PDE8A: variants seen among roughly 807,000 people sequenced by gnomAD.
PDE8A encodes the protein high affinity cAMP-specific and IBMX-insensitive 3',5'-cyclic phosphodiesterase 8A.
PDE8A carries 59 observed loss-of-function variants against 105.0 expected under a neutral mutation model. The ratio of observed to expected loss-of-function variants is 0.56; its 90% CI spans 0.46 to 0.70. The LOEUF (loss-of-function observed/expected upper bound fraction) is 0.70, where lower values mean the gene tolerates loss of function less well. PDE8A is among the 30% of genes least tolerant of loss of function. PDE8A has a pLI of 0.00. For missense variants in PDE8A, 1,014 were observed against 1,045.9 expected (o/e 0.97, Z 0.42); for synonymous variants, 355 against 371.9 (o/e 0.95, Z 0.52).
Position 85,101,129 on chromosome 15 carries a change from A to C in PDE8A, c.1036+931A>C, listed in dbSNP as rs776821313. On this transcript the variant is annotated intron_variant, in intron 11 of 21. Transcript: ENST00000394553. ...TCTCTTTACAGGTAAGGAAACTGAA[A>C]GTTTAAGTAATCTGCCCAAGGATCT... Among the ~76,000 whole-genome samples the C allele has an allele frequency of 3.3e-4, 50 of 152,338 alleles. 1 individual carries two copies. The highest frequency in any genetic ancestry group is 2.7e-3 in the Admixed American group (41 of 15,298).
chr15:85,101,714 G>A (rs1023625221), intron 11 of PDE8A, among the ~76,000 whole-genome samples: 10 of 152,200 alleles, frequency 6.6e-5, no homozygotes, highest in African/African-American at 2.4e-4. Flanking sequence ...GAAAACAATG[G>A]CCAGGGAATA....
At chr15:85,007,854 G>A (rs2080174189) in intron 1 of PDE8A, among the ~76,000 whole-genome samples, 1 of 152,164 alleles carries the variant, frequency 6.6e-6, no homozygotes, top group Admixed American at 6.5e-5. Flanking sequence ...GTCAGAGAGA[G>A]CTCTTGGACA....
intron 1 of PDE8A, among the ~76,000 whole-genome samples, chr15:84,999,976 A>G (rs769282857): frequency 2.0e-5 from 3 of 152,246 alleles, no homozygotes; most frequent in Non-Finnish European, 2.9e-5. Flanking sequence ...ATAGAAATCT[A>G]AACATATTGT....
chr15:84,995,887 A>G (rs1044902191), intron 1 of PDE8A, among the ~76,000 whole-genome samples: 1 of 152,180 alleles, frequency 6.6e-6, no homozygotes, highest in Non-Finnish European at 1.5e-5. Context: ...TTTGTGGTGC[A>G]TTCATCAATC....
chr15:84,991,333 AC>A (rs1322443155), intron 1 of PDE8A, among the ~76,000 whole-genome samples: 2 of 152,368 alleles, frequency 1.3e-5, no homozygotes, highest in East Asian at 3.9e-4. Flanking sequence ...AAAGGTTGGG[AC>A]AGGCACAGCA....
chr15:85,054,743 G>C (rs1484068712), intron 1 of PDE8A, among the ~76,000 whole-genome samples: 1 of 152,072 alleles, frequency 6.6e-6, no homozygotes, highest in African/African-American at 2.4e-5. Context: ...CGATTTTGTT[G>C]ATCTTTTCAA....
chr15:85,014,678 T>C (rs1257832150), intron 1 of PDE8A, among the ~76,000 whole-genome samples: 2 of 152,240 alleles, frequency 1.3e-5, no homozygotes, highest in East Asian at 3.8e-4. Context: ...GGTGGCATAC[T>C]GTACATAGTA....
At position 85,020,160 on chromosome 15, in the gene PDE8A, C is replaced by G. The variant is rs559300032; in HGVS notation, c.186+37812C>G. Among the ~76,000 whole-genome samples the G allele has an allele frequency of 5.3e-5, 8 of 152,104 alleles. No individual in the cohort carries two copies. The East Asian group carries it at 1.4e-3, about 26-fold the overall frequency. The stretch of plus-strand genomic sequence containing the variant: ...AATAATAGGTATTCTTTCTTAGGCA[C>G]AAGATTACTAATCTTCTCAATTCTC... On this transcript the variant is annotated intron_variant, in intron 1 of 21. Coordinates refer to ENST00000394553, the MANE Select transcript of PDE8A (RefSeq NM_002605.3).
At chr15:85,102,663 A>G (rs28432948) in intron 11 of PDE8A, among the ~76,000 whole-genome samples, 2 of 151,782 alleles carry the variant, frequency 1.3e-5, no homozygotes, top group Non-Finnish European at 1.5e-5. Flanking sequence ...AACATGGAGA[A>G]ACCTCGTCTC....
intron 12 of PDE8A, among the ~76,000 whole-genome samples, chr15:85,113,168 G>A (rs952605881): frequency 1.3e-5 from 2 of 152,180 alleles, no homozygotes; most frequent in African/African-American, 4.8e-5. Flanking sequence ...TTCAGTCCAT[G>A]GGGGCATATG....
Position 85,068,278 on chromosome 15 carries a change from G to A in PDE8A, c.434+1074G>A, listed in dbSNP as rs574225138. ...TGGTCTTGAACTCCTGACCCCAAGTGATCCATCTGCCTCAGCCTCCCAAAG... is the reference window on the plus strand; with the variant it reads ...TGGTCTTGAACTCCTGACCCCAAGTAATCCATCTGCCTCAGCCTCCCAAAG... On this transcript the variant is annotated intron_variant, in intron 3 of 21. Transcript: ENST00000394553. Among the ~76,000 whole-genome samples the A allele has an allele frequency of 3.9e-5, 6 of 152,144 alleles. No homozygotes were observed. In the South Asian group the frequency reaches 1.2e-3, roughly 32 times the overall value.
intron 16 of PDE8A, among the ~76,000 whole-genome samples, chr15:85,117,426 G>A (rs2082113140): frequency 6.6e-6 from 1 of 152,150 alleles, no homozygotes; most frequent in Admixed American, 6.5e-5. Flanking sequence ...GCTGCTGTGG[G>A]CAGCCAGCTC....
intron 1 of PDE8A, among the ~76,000 whole-genome samples, chr15:85,058,149 T>A (rs944307384): frequency 2.0e-5 from 3 of 152,184 alleles, no homozygotes; most frequent in African/African-American, 7.2e-5. Flanking sequence ...GGCACAGTCT[T>A]GTCTCACTGC....
rs35782842 is a variant in PDE8A at position 85,017,887 on chromosome 15, C to CAAAAAA, written c.186+35546_186+35551dup. Among the ~76,000 whole-genome samples the CAAAAAA allele has an allele frequency of 8.6e-5, 7 of 81,290 alleles. 2 individuals carry two copies. The highest frequency in any genetic ancestry group is 9.2e-5 in the Non-Finnish European group (4 of 43,324). 53.3% of individuals were successfully genotyped at this position (81,290 alleles called of 152,430 possible). A position where few individuals can be genotyped will look rare whatever the true frequency, so the allele number is the denominator to read the frequency against. ...GAGCAACAGGAGCGAAACTCCGTCT[C>CAAAAAA]AAAAAAAAAAAAGCAATAGTGGGAG... On this transcript the variant is annotated intron_variant, in intron 1 of 21. Coordinates refer to ENST00000394553, the MANE Select transcript of PDE8A (RefSeq NM_002605.3).
intron 1 of PDE8A, among the ~76,000 whole-genome samples, chr15:85,046,412 T>C (rs1198927434): frequency 6.6e-6 from 1 of 152,208 alleles, no homozygotes; most frequent in Non-Finnish European, 1.5e-5. Flanking sequence ...ACAAGTCCTG[T>C]ATTACATACA....
At chr15:85,119,942 T>C (rs2082155079) in intron 17 of PDE8A, among the ~76,000 whole-genome samples, 1 of 151,948 alleles carries the variant, frequency 6.6e-6, no homozygotes, top group Non-Finnish European at 1.5e-5. Context: ...AAAAGCAAAA[T>C]GATAATCCAG....
intron 1 of PDE8A, among the ~76,000 whole-genome samples, chr15:85,016,711 T>C (rs1330273885): frequency 6.6e-6 from 1 of 152,224 alleles, no homozygotes; most frequent in African/African-American, 2.4e-5. Context: ...TTTCTTTTTA[T>C]TGAGGTTGTA....
intron 1 of PDE8A, among the ~76,000 whole-genome samples, chr15:85,045,173 T>C (rs1375239723): frequency 1.3e-5 from 2 of 152,226 alleles, no homozygotes; most frequent in African/African-American, 4.8e-5. Flanking sequence ...CTTCCTTGAC[T>C]CTGATTCAGT....
At chr15:85,076,669 G>A in intron 4 of PDE8A, 64 bp from the exon 5 acceptor site, 1 of 949,926 alleles carries the variant, frequency 1.1e-6, no homozygotes, top group Non-Finnish European at 1.7e-6. Flanking sequence ...AATTAGTAGA[G>A]TAAAAGAGGT....
Sources: gnomAD v4.1 joint callset for allele counts (sites outside exome capture counted in the v4.1 genomes callset) on GRCh38, gnomAD v4.1.1 for gene constraint, MANE v1.5 for transcripts, NCBI Gene and HGNC (gene_info 2026-07-23, HGNC 2026-07-21) for gene names.